The following SPAG16 variants were observed in gnomAD, a reference collection of about 807,000 sequenced individuals.
SPAG16 encodes the protein sperm-associated antigen 16 protein.
A neutral mutation model predicts 80.4 loss-of-function variants in SPAG16; 86 were observed. The ratio of observed to expected loss-of-function variants is 1.07; its 90% CI spans 0.90 to 1.28. The LOEUF is 1.28. Ranked by LOEUF, SPAG16 falls within the 50% of genes most tolerant of loss-of-function variation. SPAG16 has a pLI of 0.00. For missense variants in SPAG16, 870 were observed against 765.3 expected, an observed-to-expected ratio of 1.14 and a Z score of -1.61; for synonymous variants, 294 against 265.9, an observed-to-expected ratio of 1.11 and a Z score of -1.03.
intron 11 of SPAG16, among the ~76,000 whole-genome samples, chr2:213,896,378 A>C (rs1019050665): frequency 3.9e-4 from 60 of 152,010 alleles, no homozygotes; most frequent in African/African-American, 1.4e-3. Flanking sequence ...TACTATGGAG[A>C]ACAGCATGGA....
intron 10 of SPAG16, among the ~76,000 whole-genome samples, chr2:213,848,685 C>G (rs1247793859): frequency 6.6e-6 from 1 of 152,064 alleles, no homozygotes; most frequent in Non-Finnish European, 1.5e-5. Flanking sequence ...AGTTTATACC[C>G]CTGTTCCCTT....
chr2:213,489,952 T>C lies in SPAG16; in HGVS notation c.943-11T>C. The C allele has an allele frequency of 1.9e-6, 3 of 1,590,258 alleles. No homozygotes were observed. The highest frequency in any genetic ancestry group is 1.7e-4 in the Middle Eastern group (1 of 5,942). ...TTTAACACAGAGCTCTTGTTTAATT[T>C]TTTTCTCTAGGATTCAGAATTTCCC... On this transcript the variant is annotated splice_polypyrimidine_tract_variant and intron_variant, in intron 9 of 15. Transcript: ENST00000331683.
Position 214,195,459 on chromosome 2 carries a change from G to A in SPAG16, c.1720+46193G>A, listed in dbSNP as rs184212450. On this transcript the variant is annotated intron_variant, in intron 15 of 15. Coordinates refer to ENST00000331683, the MANE Select transcript of SPAG16 (RefSeq NM_024532.5). ...ACAGGGGGTTAGCATTAGATATGAG[G>A]AGACCACTGATGGGGCTGTAATAGA... 3.9e-3 allele frequency among the ~76,000 whole-genome samples: 600 copies of A among 152,154 alleles called. 2 individuals carry two copies. The highest frequency in any genetic ancestry group is 6.1e-3 in the Admixed American group (93 of 15,242).
chr2:213,886,251 T>A (rs1315196021), intron 11 of SPAG16, among the ~76,000 whole-genome samples: 1 of 152,080 alleles, frequency 6.6e-6, no homozygotes, highest in Non-Finnish European at 1.5e-5. Flanking sequence ...ATTAGAGTAA[T>A]ATTTTTAGGT....
At chr2:213,629,409 A>T (rs907948906) in intron 10 of SPAG16, among the ~76,000 whole-genome samples, 1 of 152,214 alleles carries the variant, frequency 6.6e-6, no homozygotes, top group Non-Finnish European at 1.5e-5. Flanking sequence ...GAAATTCAAT[A>T]TATATTCCGT....
rs568179335 is a variant in SPAG16 at position 214,214,086 on chromosome 2, T to G, written c.1720+64820T>G. On this transcript the variant is annotated intron_variant, in intron 15 of 15. Transcript: ENST00000331683. ...GTCCTATACCCAGCCATATCAATAT[T>G]TTTTTATTCTATGGAAACAATTTGC... Among the ~76,000 whole-genome samples, 3 of 152,330 alleles carry G rather than the reference T, an allele frequency of 2.0e-5. No homozygotes were observed. In the South Asian group the frequency reaches 6.2e-4, roughly 32 times the overall value.
Position 213,310,035 on chromosome 2 carries a change from A to T in SPAG16, c.280-24A>T, listed in dbSNP as rs544006527. Reference sequence around the variant, plus strand: ...TTAATGCTTTGATGTTTTCAGAATAAATAAATGCACGTTTAAATTTCAGGA... The same window carrying T: ...TTAATGCTTTGATGTTTTCAGAATATATAAATGCACGTTTAAATTTCAGGA... On this transcript the variant is annotated intron_variant, in intron 3 of 15. Transcript: ENST00000331683. 6.3e-6 allele frequency: 9 copies of T among 1,438,344 alleles called. No homozygotes were observed. The East Asian group carries it at 1.4e-4, about 22-fold the overall frequency. 89.1% of individuals were successfully genotyped at this position (1,438,344 alleles called of 1,614,324 possible). A position where few individuals can be genotyped will look rare whatever the true frequency, so the allele number is the denominator to read the frequency against.
At chr2:214,103,105 G>GC (rs1410511279) in intron 13 of SPAG16, among the ~76,000 whole-genome samples, 1 of 152,006 alleles carries the variant, frequency 6.6e-6, no homozygotes, top group African/African-American at 2.4e-5. Flanking sequence ...AGTGGCATGT[G>GC]CCCCCCAGAA....
intron 10 of SPAG16, among the ~76,000 whole-genome samples, chr2:213,588,758 C>T (rs1398115546): frequency 2.3e-5 from 3 of 132,956 alleles, no homozygotes; most frequent in Non-Finnish European, 3.1e-5. Flanking sequence ...GCCGAGATTG[C>T]GCCACTGCAG....
chr2:214,367,332 T>C (rs1699538831), intron 15 of SPAG16, among the ~76,000 whole-genome samples: 1 of 152,206 alleles, frequency 6.6e-6, no homozygotes, highest in South Asian at 2.1e-4. Context: ...CATAGTTAGC[T>C]GCACTTGTAC....
chr2:213,320,527 A>G (rs568746581), intron 5 of SPAG16, among the ~76,000 whole-genome samples: 2 of 152,056 alleles, frequency 1.3e-5, no homozygotes, highest in South Asian at 4.1e-4. Context: ...GTTTGTATCC[A>G]TTAACCAATT....
At chr2:213,922,171 T>G (rs2078255359) in intron 11 of SPAG16, among the ~76,000 whole-genome samples, 1 of 152,194 alleles carries the variant, frequency 6.6e-6, no homozygotes, top group African/African-American at 2.4e-5. Flanking sequence ...TGAGTCATAG[T>G]TTTCATCTAT....
At chr2:213,911,096 A>G (rs1452895324) in intron 11 of SPAG16, among the ~76,000 whole-genome samples, 3 of 152,100 alleles carry the variant, frequency 2.0e-5, no homozygotes, top group African/African-American at 7.2e-5. Context: ...TCAATCTGGC[A>G]CCTGTAATAT....
At chr2:213,912,999 T>C (rs948292425) in intron 11 of SPAG16, among the ~76,000 whole-genome samples, 29 of 152,158 alleles carry the variant, frequency 1.9e-4, no homozygotes, top group South Asian at 2.1e-4. Flanking sequence ...AGACAATCAA[T>C]CAACCTGAAC....
chr2:214,105,220 C>T (rs141046136), intron 13 of SPAG16, among the ~76,000 whole-genome samples: 80 of 152,176 alleles, frequency 5.3e-4, no homozygotes, highest in African/African-American at 1.9e-3. Context: ...CCCATGTCCA[C>T]AAGAGCTCTT....
In SPAG16 at chr2:213,306,037, T is replaced by G. The variant is rs141303453; in HGVS notation, c.280-4022T>G. Among the ~76,000 whole-genome samples, 718 of 152,206 alleles carry G rather than the reference T, an allele frequency of 4.7e-3. 8 individuals are homozygous for G. Among genetic ancestry groups the G allele is most frequent in the African/African-American group, 0.016 (673 of 41,524 alleles). On this transcript the variant is annotated intron_variant, in intron 3 of 15. Coordinates refer to ENST00000331683, the MANE Select transcript of SPAG16 (RefSeq NM_024532.5). ...CAATCTTGTTATTGGTCTGTTTGGC[T>G]TTTGGATTTCTTCATGTTACAATCT...
chr2:213,702,525 G>C (rs889816173), intron 10 of SPAG16, among the ~76,000 whole-genome samples: 1 of 152,106 alleles, frequency 6.6e-6, no homozygotes, highest in Non-Finnish European at 1.5e-5. Context: ...GTAACGCCGC[G>C]AGGGTCCACA....
At chr2:213,310,246 T>TA in intron 4 of SPAG16, 69 bp downstream of exon 4, 1 of 1,102,240 alleles carries the variant, frequency 9.1e-7, no homozygotes, top group Non-Finnish European at 1.3e-6. Context: ...TTTAAGTGTC[T>TA]TAGGAGACTT....
At chr2:213,710,082 T>G (rs1033034794) in intron 10 of SPAG16, among the ~76,000 whole-genome samples, 2 of 152,030 alleles carry the variant, frequency 1.3e-5, no homozygotes, top group African/African-American at 4.8e-5. Flanking sequence ...AGATGGAGAC[T>G]CTCCTGGCTA....
Sources: gnomAD v4.1 joint callset for allele counts (sites outside exome capture counted in the v4.1 genomes callset) on GRCh38, gnomAD v4.1.1 for gene constraint, MANE v1.5 for transcripts, NCBI Gene and HGNC (gene_info 2026-07-23, HGNC 2026-07-21) for gene names.